SV2C: variants seen among roughly 807,000 people sequenced by gnomAD.
The protein encoded by SV2C is synaptic vesicle glycoprotein 2C.
Under a neutral mutation model 79.7 loss-of-function variants are expected in SV2C, and 49 were observed. The observed-to-expected ratio is 0.61, with a 90% CI of 0.49 to 0.78. The LOEUF is 0.78. Ranked by LOEUF, SV2C falls within the 30% of genes least tolerant of loss-of-function variation. The probability of loss-of-function intolerance (pLI) is 0.00; values close to 1 mark genes in which losing one functional copy is unlikely to be tolerated. For synonymous variants in SV2C, 334 were observed against 333.2 expected (o/e 1.00, Z -0.03); for missense variants, 833 against 912.9 (o/e 0.91, Z 1.13).
At chr5:75,977,014 G>T in the SV2C span, among the ~76,000 whole-genome samples, 1 of 152,070 alleles carries the variant, frequency 6.6e-6, no homozygotes, top group Non-Finnish European at 1.5e-5. Context: ...AAATGAAACA[G>T]AAATGACAGA....
At chr5:76,266,175 T>C (rs1384543391) in intron 4 of SV2C, among the ~76,000 whole-genome samples, 2 of 151,854 alleles carry the variant, frequency 1.3e-5, no homozygotes, top group African/African-American at 2.4e-5. Flanking sequence ...TAGTGAAGTT[T>C]CTTTGCCCAC....
intron 4 of SV2C, among the ~76,000 whole-genome samples, chr5:76,261,102 T>G (rs1250576795): frequency 3.9e-4 from 59 of 152,216 alleles, no homozygotes; most frequent in Non-Finnish European, 2.9e-5. Flanking sequence ...TTTGTTTGTG[T>G]CCTCTCTTAT....
the SV2C span, among the ~76,000 whole-genome samples, chr5:76,068,103 G>T: frequency 6.6e-6 from 1 of 152,080 alleles, no homozygotes; most frequent in African/African-American, 2.4e-5. Context: ...GCTAAATAAT[G>T]CTGATGATAA....
rs567655265 is a variant in SV2C, at chr5:76,151,224, C to G, written c.580+18894C>G. Among the ~76,000 whole-genome samples the G allele has an allele frequency of 2.6e-5, 4 of 152,240 alleles. No homozygotes were observed. The South Asian group carries it at 8.3e-4, about 32-fold the overall frequency. ...TTTCTGAAAGACAGAACAAACTGAG[C>G]AAAGGCACAAAGGCATGGAAATCTT... On this transcript the variant is annotated intron_variant, in intron 2 of 12. Transcript: ENST00000502798.
At chr5:75,956,209 T>G in the SV2C span, among the ~76,000 whole-genome samples, 1 of 143,610 alleles carries the variant, frequency 7.0e-6, no homozygotes, top group East Asian at 2.0e-4. Flanking sequence ...TGGAATACTA[T>G]GCAGCCATAA....
At chr5:75,885,891 A>C in the SV2C span, among the ~76,000 whole-genome samples, 1 of 152,276 alleles carries the variant, frequency 6.6e-6, no homozygotes, top group Non-Finnish European at 1.5e-5. Flanking sequence ...GATCAACACC[A>C]TTGTGGCAAT....
At chr5:75,963,653 C>A in the SV2C span, among the ~76,000 whole-genome samples, 1 of 152,070 alleles carries the variant, frequency 6.6e-6, no homozygotes, top group African/African-American at 2.4e-5. Flanking sequence ...TTTTCTAATT[C>A]ATCTTACTCA....
chr5:76,316,152 A>G (rs1748609650), intron 12 of SV2C, among the ~76,000 whole-genome samples: 1 of 152,230 alleles, frequency 6.6e-6, no homozygotes, highest in African/African-American at 2.4e-5. Context: ...AATTGTCTAA[A>G]TCCTCTGATT....
chr5:76,200,564 A>G (rs1168250278), intron 3 of SV2C, among the ~76,000 whole-genome samples: 1 of 152,206 alleles, frequency 6.6e-6, no homozygotes, highest in African/African-American at 2.4e-5. Context: ...GTCTTATTTC[A>G]TTGCTGAAGC....
At chr5:76,314,116 G>A (rs1045042710) in intron 12 of SV2C, among the ~76,000 whole-genome samples, 1 of 152,154 alleles carries the variant, frequency 6.6e-6, no homozygotes, top group African/African-American at 2.4e-5. Context: ...GCTCCTTGAG[G>A]GCAAGACATT....
chr5:76,084,803 G>A (rs1747121923), intron 1 of SV2C, among the ~76,000 whole-genome samples: 1 of 151,610 alleles, frequency 6.6e-6, no homozygotes, highest in Admixed American at 6.6e-5. Context: ...GGCGCGGAGA[G>A]CGGCGACCCG....
chr5:76,211,368 G>A (rs182893764), intron 4 of SV2C, among the ~76,000 whole-genome samples: 1 of 152,040 alleles, frequency 6.6e-6, no homozygotes, highest in African/African-American at 2.4e-5. Flanking sequence ...GCTCCAAGTT[G>A]CTTCATCTAT....
chr5:76,305,801 G>GTCT (rs1748172274), intron 12 of SV2C, among the ~76,000 whole-genome samples: 1 of 152,202 alleles, frequency 6.6e-6, no homozygotes, highest in African/African-American at 2.4e-5. Context: ...AACAATTGCA[G>GTCT]TCTTAAACAG....
chr5:76,114,937 CG>C (rs375049411), intron 1 of SV2C, among the ~76,000 whole-genome samples: 1 of 152,314 alleles, frequency 6.6e-6, no homozygotes, highest in East Asian at 1.9e-4. Flanking sequence ...ATGGGTACCA[CG>C]TACCATGATT....
the SV2C span, among the ~76,000 whole-genome samples, chr5:76,047,819 G>A: frequency 7.0e-6 from 1 of 142,200 alleles, no homozygotes. Context: ...AGGCTGGAGT[G>A]CAGTGGCGCG....
intron 3 of SV2C, among the ~76,000 whole-genome samples, chr5:76,203,235 G>A (rs1744506391): frequency 6.6e-6 from 1 of 152,144 alleles, no homozygotes; most frequent in East Asian, 1.9e-4. Context: ...AGGAATTTGT[G>A]TGCTTCATGC....
chr5:76,145,764 T>C (rs1749400954), intron 2 of SV2C, among the ~76,000 whole-genome samples: 1 of 152,180 alleles, frequency 6.6e-6, no homozygotes, highest in Non-Finnish European at 1.5e-5. Flanking sequence ...TCTACCCAAG[T>C]GGCCCCTCCT....
At chr5:76,258,353 G>A (rs936052075) in intron 4 of SV2C, among the ~76,000 whole-genome samples, 1 of 152,068 alleles carries the variant, frequency 6.6e-6, no homozygotes. Flanking sequence ...TCTCCCCTGG[G>A]CAAGGAGAAA....
At chr5:76,277,259 A>G (rs1747050398) in intron 4 of SV2C, among the ~76,000 whole-genome samples, 1 of 152,230 alleles carries the variant, frequency 6.6e-6, no homozygotes, top group African/African-American at 2.4e-5. Flanking sequence ...ATATTTACCC[A>G]AGGAAATTTT....
Sources: gnomAD v4.1 joint callset for allele counts (sites outside exome capture counted in the v4.1 genomes callset) on GRCh38, gnomAD v4.1.1 for gene constraint, MANE v1.5 for transcripts, NCBI Gene and HGNC (gene_info 2026-07-23, HGNC 2026-07-21) for gene names.